The following NRG1 variants were observed in gnomAD, a reference collection of about 807,000 sequenced individuals.
The protein encoded by NRG1 is pro-neuregulin-1, membrane-bound isoform.
Under a neutral mutation model 63.8 loss-of-function variants are expected in NRG1, and 18 were observed. The ratio of observed to expected loss-of-function variants is 0.28; its 90% CI spans 0.19 to 0.42. The LOEUF (loss-of-function observed/expected upper bound fraction) is 0.42. Ranked by LOEUF, NRG1 falls within the 10% of genes least tolerant of loss-of-function variation. NRG1 has a pLI of 1.00. For missense variants in NRG1, 762 were observed against 814.7 expected (o/e 0.94, Z 0.79); for synonymous variants, 302 against 301.3 (o/e 1.00, Z -0.02).
At chr8:32,287,469 A>G (rs1853667537) in intron 1 of NRG1, 1 of 152,210 alleles carries the variant, frequency 6.6e-6, no homozygotes, top group Non-Finnish European at 1.5e-5. Flanking sequence ...TTCAACCACC[A>G]TGGCTTAGAG....
intron 1 of NRG1, among the ~76,000 whole-genome samples, chr8:32,134,451 AAAG>A (rs1835250666): frequency 6.6e-6 from 1 of 152,160 alleles, no homozygotes; most frequent in Non-Finnish European, 1.5e-5. Flanking sequence ...AAGATAATAA[AAAG>A]AATCCTATTG....
chr8:32,514,910 G>C (rs946153222), intron 1 of NRG1, among the ~76,000 whole-genome samples: 1 of 85,508 alleles, frequency 1.2e-5, no homozygotes, highest in African/African-American at 5.3e-5. Flanking sequence ...GAGGTTTGGG[G>C]TATGAATGGT....
chr8:31,915,511 A>G (rs1419739598), intron 1 of NRG1, among the ~76,000 whole-genome samples: 1 of 152,174 alleles, frequency 6.6e-6, no homozygotes, highest in African/African-American at 2.4e-5. Flanking sequence ...AAGAACAGAT[A>G]GAAACTGAGT....
chr8:32,357,696 A>G (rs1283038174), intron 1 of NRG1, among the ~76,000 whole-genome samples: 2 of 152,178 alleles, frequency 1.3e-5, no homozygotes, highest in African/African-American at 4.8e-5. Flanking sequence ...TAATAGCAAT[A>G]ATAATTTTCT....
At chr8:32,524,362 T>C (rs936667178) in intron 1 of NRG1, among the ~76,000 whole-genome samples, 5 of 152,180 alleles carry the variant, frequency 3.3e-5, no homozygotes, top group Admixed American at 6.5e-5. Flanking sequence ...CTTCTTGATA[T>C]TCTTTCCTTC....
At chr8:32,614,712 G>C (rs1182777351) in intron 4 of NRG1, 148 bp downstream of exon 4, 1 of 724,522 alleles carries the variant, frequency 1.4e-6, no homozygotes, top group East Asian at 2.7e-5. Context: ...ACCTTGTTCT[G>C]TCTTTTTGGA....
chr8:31,652,988 TCCTCTCCTCTCCTCTCCTCC>T (rs1370141075), intron 1 of NRG1, among the ~76,000 whole-genome samples: 335 of 24,800 alleles, frequency 0.014, 11 homozygotes, highest in Middle Eastern at 0.071. Context: ...TCCTCTCCTC[TCCTCTCCTCTCCTCTCCTCC>T]CCTCCCCTCC....
intron 1 of NRG1, among the ~76,000 whole-genome samples, chr8:32,141,828 C>T (rs76149427): frequency 0.011 from 1,647 of 151,730 alleles, 31 homozygotes; most frequent in African/African-American, 0.037. Context: ...TTTATAACTC[C>T]GACTAATAGA....
intron 1 of NRG1, among the ~76,000 whole-genome samples, chr8:32,510,235 G>A (rs1381278062): frequency 1.3e-5 from 2 of 151,880 alleles, no homozygotes; most frequent in Middle Eastern, 3.2e-3. Flanking sequence ...ATTGCCTCGT[G>A]TCTATAATCC....
intron 5 of NRG1, among the ~76,000 whole-genome samples, chr8:32,694,733 T>C (rs1034929930): frequency 2.0e-5 from 3 of 152,160 alleles, no homozygotes. Context: ...GCCTTGACAC[T>C]GATAATATTT....
intron 5 of NRG1, among the ~76,000 whole-genome samples, chr8:32,660,175 A>G (rs1418459729): frequency 2.0e-5 from 3 of 152,212 alleles, no homozygotes; most frequent in Non-Finnish European, 4.4e-5. Flanking sequence ...ATGATGTTCA[A>G]TGGAAATGCT....
intron 9 of NRG1, among the ~76,000 whole-genome samples, chr8:32,757,890 T>C (rs1299932024): frequency 6.6e-6 from 1 of 152,192 alleles, no homozygotes; most frequent in Non-Finnish European, 1.5e-5. Flanking sequence ...ATTTTTTTCA[T>C]TAGATTCACT....
At chr8:32,760,762 G>T (rs1047655697) in intron 11 of NRG1, 1 of 1,034,496 alleles carries the variant, frequency 9.7e-7, no homozygotes, top group Non-Finnish European at 1.2e-6. Context: ...GCTTGATAAG[G>T]ACCCTTCTAT....
chr8:32,051,029 A>T (rs1180162066), intron 1 of NRG1, among the ~76,000 whole-genome samples: 4 of 152,136 alleles, frequency 2.6e-5, no homozygotes, highest in Admixed American at 1.3e-4. Flanking sequence ...AGAGAGTTTA[A>T]TATAAAGTAG....
chr8:32,709,645 T>C (rs1817313208), intron 5 of NRG1, among the ~76,000 whole-genome samples: 1 of 152,076 alleles, frequency 6.6e-6, no homozygotes, highest in African/African-American at 2.4e-5. Context: ...GGTCTCGAAC[T>C]CCTAGGCTCA....
At chr8:32,046,661 A>T (rs573506115) in intron 1 of NRG1, among the ~76,000 whole-genome samples, 1 of 152,106 alleles carries the variant, frequency 6.6e-6, no homozygotes, top group Non-Finnish European at 1.5e-5. Context: ...CAAAGGCATT[A>T]TACAGAATGA....
chr8:32,773,491 C>T (rs920332802), intron 7 of NRG1, among the ~76,000 whole-genome samples: 1 of 152,178 alleles, frequency 6.6e-6, no homozygotes, highest in Non-Finnish European at 1.5e-5. Context: ...AGTGGAGCCA[C>T]ATTTCACCCA....
At chr8:32,355,265 C>A (rs1277272796) in intron 1 of NRG1, among the ~76,000 whole-genome samples, 1 of 151,980 alleles carries the variant, frequency 6.6e-6, no homozygotes, top group Admixed American at 6.6e-5. Flanking sequence ...TCAAAACCAG[C>A]CTGGGCAACG....
intron 1 of NRG1, among the ~76,000 whole-genome samples, chr8:31,791,239 A>C (rs1470903285): frequency 6.6e-6 from 1 of 151,504 alleles, no homozygotes; most frequent in Non-Finnish European, 1.5e-5. Context: ...AAAAGAAGAG[A>C]TAGTGAGATA....
Sources: allele counts gnomAD v4.1 joint callset (sites outside exome capture counted in the v4.1 genomes callset), GRCh38; gene constraint gnomAD v4.1.1; transcripts MANE v1.5; gene names NCBI Gene and HGNC (gene_info 2026-07-23, HGNC 2026-07-21).